Variants in NAV3 observed in about 807,000 individuals in gnomAD.
The protein encoded by NAV3 is neuron navigator 3.
In NAV3, 87 loss-of-function variants were observed where a neutral mutation model predicts 244.7. The ratio of observed to expected loss-of-function variants is 0.36; its 90% CI spans 0.30 to 0.42. NAV3 has a LOEUF of 0.42. Ranked by LOEUF, NAV3 falls within the 20% of genes least tolerant of loss-of-function variation. The pLI is 1.00. For synonymous variants in NAV3, 1,126 were observed against 1,042.2 expected (o/e 1.08, Z -1.55); for missense variants, 2,663 against 2,893.3 (o/e 0.92, Z 1.83).
chr12:78,052,957 G>A (rs1280856856), intron 11 of NAV3, among the ~76,000 whole-genome samples: 1 of 151,948 alleles, frequency 6.6e-6, no homozygotes, highest in Non-Finnish European at 1.5e-5. Flanking sequence ...GGTGGCTCAT[G>A]CCTGTAATCC....
At chr12:77,947,033 AT>A in intron 3 of NAV3, among the ~76,000 whole-genome samples, 1 of 152,164 alleles carries the variant, frequency 6.6e-6, no homozygotes, top group East Asian at 1.9e-4. Flanking sequence ...TAATAATTCA[AT>A]TGTTTTCCAG....
chr12:77,835,675 A>G (rs181884685), intron 1 of NAV3, among the ~76,000 whole-genome samples: 2 of 152,302 alleles, frequency 1.3e-5, no homozygotes, highest in Non-Finnish European at 2.9e-5. Context: ...TGGCCTTTAA[A>G]GTTTCCTATC....
chr12:77,930,038 G>A lies in NAV3; in HGVS notation c.244-10281G>A, dbSNP rs546123454. Among the ~76,000 whole-genome samples, 6 of 152,152 alleles carry A rather than the reference G, an allele frequency of 3.9e-5. No individual in the cohort carries two copies. The East Asian group carries it at 1.2e-3, about 29-fold the overall frequency. On this transcript the variant is annotated intron_variant, in intron 1 of 39. Coordinates refer to ENST00000397909, the MANE Select transcript of NAV3 (RefSeq NM_001024383.2). ...TAAAGTTCTACAGGTAAACAAACAA[G>A]AGCAGTCCTATCCCTAGCTCCTCTC... is the stretch of plus-strand genomic sequence containing the variant.
At chr12:77,874,407 A>G (rs1881542853) in intron 1 of NAV3, among the ~76,000 whole-genome samples, 1 of 151,660 alleles carries the variant, frequency 6.6e-6, no homozygotes, top group Admixed American at 6.6e-5. Flanking sequence ...TTTTTTATAG[A>G]GATGTGTTGC....
chr12:77,662,553 G>T (rs1325986699), intron 2 of NAV3, among the ~76,000 whole-genome samples: 6 of 151,950 alleles, frequency 3.9e-5, no homozygotes, highest in Non-Finnish European at 1.5e-5. Context: ...ATATGCTACT[G>T]GGAAACAGAT....
intron 2 of NAV3, among the ~76,000 whole-genome samples, chr12:77,766,605 G>A (rs188217759): frequency 5.3e-5 from 8 of 152,106 alleles, no homozygotes; most frequent in African/African-American, 1.7e-4. Context: ...TAGTTACAGG[G>A]CATCTGACAA....
chr12:78,178,665 G>C (rs1958362655), intron 28 of NAV3, among the ~76,000 whole-genome samples: 1 of 152,050 alleles, frequency 6.6e-6, no homozygotes, highest in South Asian at 2.1e-4. Flanking sequence ...ACAACAACTA[G>C]CATAGAACTC....
chr12:78,205,350 C>T (rs1960183635), intron 39 of NAV3, among the ~76,000 whole-genome samples: 1 of 152,024 alleles, frequency 6.6e-6, no homozygotes, highest in Non-Finnish European at 1.5e-5. Context: ...ATGCTACAAC[C>T]AGAATGAACT....
chr12:78,145,280 T>C (rs1956819228), intron 20 of NAV3, among the ~76,000 whole-genome samples: 1 of 152,164 alleles, frequency 6.6e-6, no homozygotes. Context: ...TTACATATTT[T>C]TAAAGGTAGT....
At chr12:78,185,733 A>G (rs1453715810) in intron 31 of NAV3, 35 bp downstream of exon 31, 11 of 1,533,120 alleles carry the variant, frequency 7.2e-6, no homozygotes, top group African/African-American at 5.5e-5. Flanking sequence ...TATTACTAAC[A>G]ATGAGAATTA....
intron 12 of NAV3, among the ~76,000 whole-genome samples, chr12:78,074,634 G>T (rs1228542382): frequency 6.6e-6 from 1 of 152,174 alleles, no homozygotes; most frequent in Admixed American, 6.5e-5. Flanking sequence ...AGCCTGGGAG[G>T]TGGAGGTTGC....
chr12:78,036,198 G>A (rs1024506933), intron 9 of NAV3: 1 of 152,268 alleles, frequency 6.6e-6, no homozygotes, highest in African/African-American at 2.4e-5. Flanking sequence ...TTGGCAGGAT[G>A]TTTGCTGCCA....
At chr12:78,157,438 A>G (rs1335852306) in intron 22 of NAV3, among the ~76,000 whole-genome samples, 3 of 151,430 alleles carry the variant, frequency 2.0e-5, no homozygotes, top group Admixed American at 6.6e-5. Context: ...GTACATGCCT[A>G]TAGTTCTTGC....
rs150208954 is a variant in NAV3 at position 77,988,852 on chromosome 12, C to G, written c.672-5951C>G. On this transcript the variant is annotated intron_variant, in intron 5 of 39. Transcript: ENST00000397909. ...CTGTGCTTACTCACCTGGTTTGTTA[C>G]TAATATGTTATAAACTTGAAACCTG... is the stretch of plus-strand genomic sequence containing the variant. 2.6e-4 allele frequency among the ~76,000 whole-genome samples: 39 copies of G among 152,194 alleles called. No individual in the cohort carries two copies. In the East Asian group the frequency reaches 7.3e-3, roughly 29 times the overall value.
chr12:77,717,388 A>C (rs1876409991), intron 2 of NAV3, among the ~76,000 whole-genome samples: 1 of 152,088 alleles, frequency 6.6e-6, no homozygotes, highest in South Asian at 2.1e-4. Context: ...TCCTTAAGCA[A>C]CTGGCTTATT....
At chr12:78,109,357 G>T (rs1954969843) in intron 12 of NAV3, among the ~76,000 whole-genome samples, 1 of 151,884 alleles carries the variant, frequency 6.6e-6, no homozygotes, top group African/African-American at 2.4e-5. Flanking sequence ...TAGCATCACA[G>T]CCTAATTCTA....
At chr12:77,930,510 T>C (rs894511758) in intron 1 of NAV3, among the ~76,000 whole-genome samples, 10 of 152,130 alleles carry the variant, frequency 6.6e-5, no homozygotes, top group Non-Finnish European at 1.3e-4. Flanking sequence ...AATCCAATTC[T>C]CACACAGTGC....
At chr12:78,104,499 C>T (rs1192891988) in intron 12 of NAV3, among the ~76,000 whole-genome samples, 1 of 152,062 alleles carries the variant, frequency 6.6e-6, no homozygotes, top group East Asian at 1.9e-4. Flanking sequence ...ACTGTGAATC[C>T]AGGAGTGAAT....
chr12:78,083,590 C>T (rs1299071230), intron 12 of NAV3, among the ~76,000 whole-genome samples: 1 of 152,106 alleles, frequency 6.6e-6, no homozygotes, highest in East Asian at 1.9e-4. Context: ...AAGCTTGACA[C>T]CTTATCCTTT....
Sources: allele counts gnomAD v4.1 joint callset (sites outside exome capture counted in the v4.1 genomes callset), GRCh38; gene constraint gnomAD v4.1.1; transcripts MANE v1.5; gene names NCBI Gene and HGNC (gene_info 2026-07-23, HGNC 2026-07-21).